GALP: variants seen among roughly 807,000 people sequenced by gnomAD.
GALP encodes galanin-like peptide.
A neutral mutation model predicts 15.2 loss-of-function variants in GALP; 12 were observed. The observed-to-expected ratio is 0.79, with a 90% CI of 0.51 to 1.28. GALP has a LOEUF of 1.28. Ranked by LOEUF, GALP falls within the 50% of genes most tolerant of loss-of-function variation. The probability of loss-of-function intolerance (pLI) is 0.00; values close to 1 mark genes in which losing one functional copy is unlikely to be tolerated. For synonymous variants in GALP, 58 were observed against 55.1 expected, an observed-to-expected ratio of 1.05 and a Z score of -0.23; for missense variants, 161 against 145.6, an observed-to-expected ratio of 1.11 and a Z score of -0.55.
chr19:56,184,360 G>C (rs2122176384), intron 5 of GALP, among the ~76,000 whole-genome samples: 1 of 152,196 alleles, frequency 6.6e-6, no homozygotes, highest in South Asian at 2.1e-4. Flanking sequence ...GCCTTCAGCT[G>C]CCACCTTCCC....
intron 5 of GALP, among the ~76,000 whole-genome samples, chr19:56,183,601 TTATTTATTTTTTGGGGATGAA>T: frequency 6.6e-6 from 1 of 152,086 alleles, no homozygotes; most frequent in African/African-American, 2.4e-5. Context: ...TTTCATTTAT[TTATTTATTTTTTGGGGATGAA>T]GTTTTGCTCT....
At chr19:56,180,736 G>T in intron 3 of GALP, 102 bp downstream of exon 3, 1 of 869,014 alleles carries the variant, frequency 1.2e-6, no homozygotes, top group Non-Finnish European at 1.9e-6. Flanking sequence ...CACATTCACT[G>T]AGGCCCATGG....
Position 56,182,220 on chromosome 19 carries a change from C to T in GALP, c.185C>T (p.Ala62Val). 6.2e-7 allele frequency: 1 copy of T among 1,613,930 alleles called. No homozygotes were observed. Among genetic ancestry groups the T allele is most frequent in the Non-Finnish European group, 8.5e-7 (1 of 1,179,812 alleles). ...MGDQDGKRETALEILDLWKAI... is the reference protein window; with the variant it reads ...MGDQDGKRETVLEILDLWKAI... ...GACCAAGACGGAAAGAGGGAGACAG[C>T]CCTTGAGATCCTAGACCTGTGGAAG... is the stretch of plus-strand genomic sequence containing the variant. The change falls in exon 4 of 6, where the codon GCC (alanine) becomes GTC (valine). Residue 62 changes from alanine to valine, a missense_variant. Transcript: ENST00000357330.
chr19:56,180,910 TCTTTC>T lies in GALP; in HGVS notation c.136+277_136+281del, dbSNP rs1346110816. ...CTCACTCTTTCTTTCTTTCTTTCTT[TCTTTC>T]TTTTTTTTTTTTTTTTTTTTTTGAC... On this transcript the variant is annotated intron_variant, in intron 3 of 5. Transcript: ENST00000357330. Among the ~76,000 whole-genome samples, 187 of 89,184 alleles carry T rather than the reference TCTTTC, an allele frequency of 2.1e-3. 1 individual carries two copies. The highest frequency in any genetic ancestry group is 0.016 in the East Asian group (38 of 2,306). The allele number at this position is 89,184 out of a possible 152,430, so 58.5% of individuals were successfully genotyped here.
At chr19:56,179,591 GA>G (rs2032527174) in intron 2 of GALP, among the ~76,000 whole-genome samples, 1 of 151,360 alleles carries the variant, frequency 6.6e-6, no homozygotes. Flanking sequence ...TCTTTCTAAT[GA>G]AGCTAATAGC....
intron 5 of GALP, 57 bp from the exon 6 acceptor site, chr19:56,185,158 G>T: frequency 9.0e-7 from 1 of 1,110,244 alleles, no homozygotes. Context: ...AAAATTAGCT[G>T]GGTGGGGAGT....
At chr19:56,179,109 G>A (rs774258587) in intron 2 of GALP, among the ~76,000 whole-genome samples, 5 of 152,242 alleles carry the variant, frequency 3.3e-5, no homozygotes, top group African/African-American at 7.2e-5. Context: ...TCCAGGAGGC[G>A]GAGGTTGCGG....
intron 1 of GALP, among the ~76,000 whole-genome samples, chr19:56,176,612 G>A (rs1316295571): frequency 1.5e-5 from 2 of 135,770 alleles, no homozygotes; most frequent in African/African-American, 5.5e-5. Flanking sequence ...GCTGCACCGG[G>A]GTGAGAGCCT....
At chr19:56,179,223 C>T (rs959560099) in intron 2 of GALP, among the ~76,000 whole-genome samples, 7 of 151,240 alleles carry the variant, frequency 4.6e-5, no homozygotes, top group Admixed American at 3.9e-4. Context: ...TGGGATCCAC[C>T]TGGGTTTGAG....
At chr19:56,182,294 C>T (rs570045014) in intron 4 of GALP, 42 bp downstream of exon 4, 3 of 1,448,630 alleles carry the variant, frequency 2.1e-6, no homozygotes, top group Non-Finnish European at 2.9e-6. Flanking sequence ...TGCGTCCTCC[C>T]CTGCGGGCTC....
Position 56,185,334 on chromosome 19 carries a change from T to G in GALP, c.*64T>G. 2 of 960,952 alleles carry G rather than the reference T, an allele frequency of 2.1e-6. No homozygotes were observed. Among genetic ancestry groups the G allele is most frequent in the Non-Finnish European group, 3.3e-6 (2 of 610,044 alleles). 59.5% of individuals were successfully genotyped at this position (960,952 alleles called of 1,614,324 possible). On this transcript the variant is annotated 3_prime_UTR_variant, in exon 6 of 6. Coordinates refer to ENST00000357330, the MANE Select transcript of GALP (RefSeq NM_033106.4). The stretch of plus-strand genomic sequence containing the variant: ...TCCTCCTGCTCCCTCTGAAACCTTT[T>G]CTAGGTACCCTATGCTGAGACTAAG...
At position 56,182,260 on chromosome 19, in the gene GALP, AGC is replaced by A. The variant is rs1568579023; in HGVS notation, c.217+10_217+11del. The stretch of plus-strand genomic sequence containing the variant: ...ACCTGTGGAAGGCCATCGGTGAGTG[AGC>A]GGGGAGTTAGACGTCTTCTCCTGCG... On this transcript the variant is annotated intron_variant, in intron 4 of 5. Transcript: ENST00000357330. 4 of 1,607,616 alleles carry A rather than the reference AGC, an allele frequency of 2.5e-6. No homozygotes were observed. Among genetic ancestry groups the A allele is most frequent in the Non-Finnish European group, 3.4e-6 (4 of 1,174,150 alleles).
chr19:56,179,646 T>TA (rs1339638608), intron 2 of GALP, among the ~76,000 whole-genome samples: 1 of 150,910 alleles, frequency 6.6e-6, no homozygotes, highest in South Asian at 2.1e-4. Flanking sequence ...CTCTCTTTTT[T>TA]TTTTTTTTTT....
chr19:56,185,476 G>C lies in GALP; in HGVS notation c.*206G>C. 1 of 446,382 alleles carries C rather than the reference G, an allele frequency of 2.2e-6. No homozygotes were observed. Among genetic ancestry groups the C allele is most frequent in the South Asian group, 4.6e-5 (1 of 21,838 alleles). 27.7% of individuals were successfully genotyped at this position (446,382 alleles called of 1,614,324 possible). A position where few individuals can be genotyped will look rare whatever the true frequency, so the allele number is the denominator to read the frequency against. The stretch of plus-strand genomic sequence containing the variant: ...TTCATCCTTGAAATCAGTATAATGT[G>C]CTATTAATGGAACCAATAGTAATTC... On this transcript the variant is annotated 3_prime_UTR_variant, in exon 6 of 6. Coordinates refer to ENST00000357330, the MANE Select transcript of GALP (RefSeq NM_033106.4).
chr19:56,180,135 A>G (rs929846247), intron 2 of GALP, among the ~76,000 whole-genome samples: 3 of 151,778 alleles, frequency 2.0e-5, no homozygotes, highest in African/African-American at 7.3e-5. Flanking sequence ...CTGGCCTTGA[A>G]CTCCTGTTCT....
chr19:56,181,778 G>A (rs1242003037), intron 3 of GALP, among the ~76,000 whole-genome samples: 1 of 152,128 alleles, frequency 6.6e-6, no homozygotes, highest in Non-Finnish European at 1.5e-5. Flanking sequence ...CAATAGGTGT[G>A]CCCATGGCCA....
In GALP at chr19:56,185,672, C is replaced by T. The variant is rs553778826; in HGVS notation, c.*402C>T. 2 of 156,636 alleles carry T rather than the reference C, an allele frequency of 1.3e-5. No individual in the cohort carries two copies. The highest frequency in any genetic ancestry group is 2.8e-5 in the Non-Finnish European group (2 of 71,234). The allele number at this position is 156,636 out of a possible 1,614,324, so 9.7% of individuals were successfully genotyped here. ...TTATTTGAAAAGATTCTTCAAATTG[C>T]GTACTTACTCCTCCATATTCTTTCA... On this transcript the variant is annotated 3_prime_UTR_variant, in exon 6 of 6. Coordinates refer to ENST00000357330, the MANE Select transcript of GALP (RefSeq NM_033106.4).
intron 5 of GALP, among the ~76,000 whole-genome samples, chr19:56,183,422 T>A (rs1231125613): frequency 1.3e-5 from 2 of 152,074 alleles, no homozygotes; most frequent in Non-Finnish European, 2.9e-5. Flanking sequence ...CTCGATTCCT[T>A]CACTGCGAAT....
chr19:56,183,929 C>G (rs369238968), intron 5 of GALP, among the ~76,000 whole-genome samples: 1 of 151,930 alleles, frequency 6.6e-6, no homozygotes, highest in East Asian at 1.9e-4. Flanking sequence ...AACCTCTCTC[C>G]TAAATAAGAT....
Sources: gnomAD v4.1 joint callset for allele counts (sites outside exome capture counted in the v4.1 genomes callset) on GRCh38, gnomAD v4.1.1 for gene constraint, MANE v1.5 for transcripts, NCBI Gene and HGNC (gene_info 2026-07-23, HGNC 2026-07-21) for gene names.